The following ROBO2 variants were observed in gnomAD, a reference collection of about 807,000 sequenced individuals.
The protein encoded by ROBO2 is roundabout guidance receptor 2, also known as roundabout homolog 2.
A neutral mutation model predicts 160.8 loss-of-function variants in ROBO2; 53 were observed. The observed-to-expected ratio is 0.33, with a 90% confidence interval of 0.26 to 0.41. The LOEUF is 0.41. Ranked by LOEUF, ROBO2 falls within the 10% of genes least tolerant of loss-of-function variation. The pLI, the probability that ROBO2 is intolerant of heterozygous loss-of-function variation, is 1.00. For missense variants in ROBO2, 1,577 were observed against 1,722.4 expected, an observed-to-expected ratio of 0.92 and a Z score of 1.49; for synonymous variants, 664 against 611.7, an observed-to-expected ratio of 1.09 and a Z score of -1.26.
At chr3:76,595,634 A>C (rs2086689194) in intron 2 of ROBO2, among the ~76,000 whole-genome samples, 1 of 152,158 alleles carries the variant, frequency 6.6e-6, no homozygotes, top group South Asian at 2.1e-4. Context: ...TATGCATATT[A>C]AGTGAAATCA....
chr3:77,341,750 A>C (rs1256375261), intron 2 of ROBO2, among the ~76,000 whole-genome samples: 1 of 152,136 alleles, frequency 6.6e-6, no homozygotes, highest in Non-Finnish European at 1.5e-5. Flanking sequence ...CAACACAAGT[A>C]AGTACAGTTG....
intron 2 of ROBO2, among the ~76,000 whole-genome samples, chr3:76,288,421 A>G (rs1708635771): frequency 6.6e-6 from 1 of 152,040 alleles, no homozygotes; most frequent in African/African-American, 2.4e-5. Flanking sequence ...CATTTTTTTA[A>G]TCATTCCCAT....
intron 2 of ROBO2, among the ~76,000 whole-genome samples, chr3:77,356,770 T>G (rs2069191248): frequency 6.6e-6 from 1 of 152,194 alleles, no homozygotes; most frequent in South Asian, 2.1e-4. Flanking sequence ...TTCGTTTCTA[T>G]AATTTTTGAC....
chr3:76,954,825 T>C (rs1172469089), intron 2 of ROBO2, among the ~76,000 whole-genome samples: 1 of 152,148 alleles, frequency 6.6e-6, no homozygotes. Flanking sequence ...TGCAATAAAG[T>C]CAGAAAGTAA....
chr3:77,432,088 CT>C (rs1488666145), intron 2 of ROBO2, among the ~76,000 whole-genome samples: 1 of 152,082 alleles, frequency 6.6e-6, no homozygotes, highest in East Asian at 1.9e-4. Flanking sequence ...ATGCCTCTAG[CT>C]TTTTTAGCAA....
chr3:77,178,588 AT>A (rs971343153), intron 2 of ROBO2, among the ~76,000 whole-genome samples: 1 of 152,124 alleles, frequency 6.6e-6, no homozygotes, highest in African/African-American at 2.4e-5. Flanking sequence ...CAAAGAGAAC[AT>A]TTTAAAAAAT....
At chr3:77,397,954 T>C (rs1384089637) in intron 2 of ROBO2, among the ~76,000 whole-genome samples, 1 of 152,148 alleles carries the variant, frequency 6.6e-6, no homozygotes, top group Non-Finnish European at 1.5e-5. Context: ...AAAGATAATT[T>C]TTAAACCACT....
chr3:76,303,585 C>T (rs1023713763), intron 2 of ROBO2, among the ~76,000 whole-genome samples: 8 of 140,020 alleles, frequency 5.7e-5, no homozygotes, highest in Non-Finnish European at 1.1e-4. Flanking sequence ...CCAATGAAAC[C>T]ACCAATATTT....
intron 2 of ROBO2, among the ~76,000 whole-genome samples, chr3:76,676,898 C>A (rs1431554852): frequency 1.3e-5 from 2 of 152,066 alleles, no homozygotes. Flanking sequence ...TGCCCATCAC[C>A]TGAGGAAGGT....
chr3:76,629,764 A>G (rs2089909732), intron 2 of ROBO2, among the ~76,000 whole-genome samples: 1 of 152,224 alleles, frequency 6.6e-6, no homozygotes. Context: ...TAAATTTTGA[A>G]TAAGTACATC....
At chr3:75,908,526 ATAT>A (rs1210305072) in intron 1 of ROBO2, among the ~76,000 whole-genome samples, 2 of 152,122 alleles carry the variant, frequency 1.3e-5, no homozygotes, top group Admixed American at 6.6e-5. Context: ...TAGAAATTAC[ATAT>A]TATTATGGAA....
At chr3:76,423,548 C>T (rs2076082682) in intron 2 of ROBO2, among the ~76,000 whole-genome samples, 1 of 151,914 alleles carries the variant, frequency 6.6e-6, no homozygotes, top group African/African-American at 2.4e-5. Flanking sequence ...CTGATGTAAC[C>T]CATCAGGTTA....
At chr3:77,303,870 T>C (rs1374321622) in intron 2 of ROBO2, among the ~76,000 whole-genome samples, 2 of 152,158 alleles carry the variant, frequency 1.3e-5, no homozygotes, top group Non-Finnish European at 2.9e-5. Context: ...AAGGTGGCTC[T>C]GTAGGATTAC....
intron 2 of ROBO2, among the ~76,000 whole-genome samples, chr3:77,469,786 C>T (rs564136890): frequency 6.6e-6 from 1 of 152,252 alleles, no homozygotes; most frequent in East Asian, 1.9e-4. Context: ...CAAATTCAAA[C>T]ACTGTGGTCT....
intron 2 of ROBO2, among the ~76,000 whole-genome samples, chr3:76,003,616 C>T (rs992103132): frequency 2.6e-5 from 4 of 152,194 alleles, no homozygotes; most frequent in African/African-American, 9.7e-5. Flanking sequence ...ATGAGCTCCA[C>T]ATTCGCAGAT....
At chr3:76,181,650 C>T (rs934938898) in intron 2 of ROBO2, among the ~76,000 whole-genome samples, 1 of 152,078 alleles carries the variant, frequency 6.6e-6, no homozygotes, top group Non-Finnish European at 1.5e-5. Context: ...TTCCACTGCA[C>T]TATTTAGAAA....
chr3:77,158,865 G>T (rs73095857), intron 2 of ROBO2, among the ~76,000 whole-genome samples: 46,171 of 151,702 alleles, frequency 0.3, 8,317 homozygotes, highest in Middle Eastern at 0.46. Context: ...TTTAGCGGCT[G>T]ATCACACTGA....
intron 20 of ROBO2, among the ~76,000 whole-genome samples, chr3:77,606,996 G>A (rs2094538097): frequency 6.6e-6 from 1 of 152,062 alleles, no homozygotes; most frequent in South Asian, 2.1e-4. Context: ...AAAAACCATG[G>A]CACTGTCCAA....
Position 77,515,730 on chromosome 3 carries a change from A to G in ROBO2, c.807-7045A>G, listed in dbSNP as rs1437358230. On this transcript the variant is annotated intron_variant, in intron 5 of 25. Coordinates refer to ENST00000461745, the Ensembl canonical transcript of ROBO2. ...TGAATGCCTATATTGTCCCTTGGTA[A>G]AAAGCTGGGTAAAAATCTTTGTAAT... is the stretch of plus-strand genomic sequence containing the variant. Among the ~76,000 whole-genome samples the G allele has an allele frequency of 2.0e-5, 3 of 151,680 alleles. No individual in the cohort carries two copies. In the East Asian group the frequency reaches 5.8e-4, roughly 30 times the overall value.
Sources: allele counts gnomAD v4.1 joint callset (sites outside exome capture counted in the v4.1 genomes callset), GRCh38; gene constraint gnomAD v4.1.1; transcripts MANE v1.5; gene names NCBI Gene and HGNC (gene_info 2026-07-23, HGNC 2026-07-21).